The following MDN1 variants were observed in gnomAD, a reference collection of about 807,000 sequenced individuals.
MDN1 encodes midasin AAA ATPase 1.
A neutral mutation model predicts 669.2 loss-of-function variants in MDN1; 266 were observed. That is an observed-to-expected ratio of 0.40 (90% CI 0.36 to 0.44). The LOEUF (loss-of-function observed/expected upper bound fraction) is 0.44, where lower values mean the gene tolerates loss of function less well. MDN1 is among the 20% of genes least tolerant of loss of function. MDN1 has a pLI of 1.00. For synonymous variants in MDN1, 2,385 were observed against 2,457.1 expected (o/e 0.97, Z 0.87); for missense variants, 5,940 against 6,754.0 (o/e 0.88, Z 4.22).
intron 85 of MDN1, 128 bp from the exon 86 acceptor site, chr6:89,663,095 A>G: frequency 1.0e-6 from 1 of 999,146 alleles, no homozygotes; most frequent in Admixed American, 2.2e-5. Flanking sequence ...TCTACAGAAC[A>G]CACCCTACGG....
At chr6:89,788,405 T>G (rs1028449239) in intron 7 of MDN1, among the ~76,000 whole-genome samples, 1 of 152,202 alleles carries the variant, frequency 6.6e-6, no homozygotes, top group African/African-American at 2.4e-5. Context: ...TAAAGAAGAA[T>G]GAGCAGAAAT....
chr6:89,734,881 G>A (rs1047874709), intron 33 of MDN1, among the ~76,000 whole-genome samples: 1 of 149,774 alleles, frequency 6.7e-6, no homozygotes, highest in Non-Finnish European at 1.5e-5. Flanking sequence ...CATTGTAAAT[G>A]ATAGTTGTTT....
intron 23 of MDN1, 89 bp downstream of exon 23, chr6:89,751,342 C>A: frequency 6.8e-7 from 1 of 1,472,160 alleles, no homozygotes; most frequent in Admixed American, 2.0e-5. Flanking sequence ...AAGAATAAAG[C>A]TCTTTGAAAG....
At chr6:89,671,498 C>T (rs762837195) in intron 82 of MDN1, among the ~76,000 whole-genome samples, 7 of 152,036 alleles carry the variant, frequency 4.6e-5, no homozygotes, top group East Asian at 1.9e-4. Context: ...ACAAAAAAAA[C>T]ATATAGCCAG....
At chr6:89,713,105 AG>A in intron 47 of MDN1, 42 bp downstream of exon 47, 2 of 1,580,770 alleles carry the variant, frequency 1.3e-6, no homozygotes, top group Middle Eastern at 3.4e-4. Context: ...TCAAGAATGT[AG>A]GGTATTACAA....
chr6:89,658,816 G>T lies in MDN1; in HGVS notation c.14815C>A (p.Gln4939Lys). Residue 4939 changes from glutamine to lysine, a missense_variant, in exon 89 of 102, where the codon CAG becomes AAG. By Grantham distance (53) the Gln-to-Lys change is moderately conservative. Coordinates refer to ENST00000369393, the MANE Select transcript of MDN1 (RefSeq NM_014611.3). The stretch of plus-strand genomic sequence containing the variant: ...TCACTGGGGCCTTCCTCAGGCTCCT[G>T]TGGACTCTGACTTTCGTTCTGGTCG... ...ETDQNESQSP[Q>K]EPEEGPSEDD... 6.2e-7 allele frequency: 1 copy of T among 1,614,144 alleles called. No homozygotes were observed. Among genetic ancestry groups the T allele is most frequent in the Non-Finnish European group, 8.5e-7 (1 of 1,180,030 alleles).
intron 19 of MDN1, 87 bp downstream of exon 19, chr6:89,758,167 GC>G: frequency 9.6e-7 from 1 of 1,036,952 alleles, no homozygotes; most frequent in South Asian, 1.4e-5. Context: ...CTTGCAGTGA[GC>G]CAAGATCACG....
At chr6:89,737,553 G>T (rs1816055054) in intron 33 of MDN1, among the ~76,000 whole-genome samples, 1 of 151,978 alleles carries the variant, frequency 6.6e-6, no homozygotes, top group African/African-American at 2.4e-5. Flanking sequence ...CATATAGTTA[G>T]GAGTGTTGCC....
Position 89,701,921 on chromosome 6 carries a change from C to T in MDN1, c.8289G>A (p.Leu2763=). 1 of 1,612,012 alleles carries T rather than the reference C, an allele frequency of 6.2e-7. No homozygotes were observed. Among genetic ancestry groups the T allele is most frequent in the Non-Finnish European group, 8.5e-7 (1 of 1,179,418 alleles). The change falls in exon 54 of 102, where the codon CTG becomes CTA. Residue 2763 remains leucine (L), a synonymous_variant. Coordinates refer to ENST00000369393, the MANE Select transcript of MDN1 (RefSeq NM_014611.3). ...KHLVHQIPRL[L]MNYEDKYYKE... ...AATCTTACTTGTCTTCATAATTCAT[C>T]AGAAGTCGGGGGATCTGGTGGACCA...
chr6:89,704,701 C>A (rs1281456640), intron 53 of MDN1, among the ~76,000 whole-genome samples: 1 of 152,134 alleles, frequency 6.6e-6, no homozygotes, highest in Non-Finnish European at 1.5e-5. Flanking sequence ...ATTCTCCTGC[C>A]TCTCGAGTAG....
At chr6:89,807,335 C>T (rs1768086779) in intron 1 of MDN1, among the ~76,000 whole-genome samples, 1 of 152,210 alleles carries the variant, frequency 6.6e-6, no homozygotes. Context: ...GATCCACCTA[C>T]CTAAGCCCCC....
At chr6:89,685,370 T>C (rs1811938285) in intron 70 of MDN1, among the ~76,000 whole-genome samples, 1 of 152,200 alleles carries the variant, frequency 6.6e-6, no homozygotes, top group Non-Finnish European at 1.5e-5. Flanking sequence ...TGCTCATTCA[T>C]GTACAATCTA....
At chr6:89,784,608 C>A (rs1481593119) in intron 9 of MDN1, among the ~76,000 whole-genome samples, 1 of 152,128 alleles carries the variant, frequency 6.6e-6, no homozygotes, top group Non-Finnish European at 1.5e-5. Flanking sequence ...AAGTGATTTA[C>A]CTCAATTCTC....
At chr6:89,784,824 G>T (rs1818868017) in intron 9 of MDN1, among the ~76,000 whole-genome samples, 188 bp downstream of exon 9, 1 of 152,190 alleles carries the variant, frequency 6.6e-6, no homozygotes, top group Non-Finnish European at 1.5e-5. Flanking sequence ...AGAGATGTAT[G>T]CTGGGAGTTT....
chr6:89,685,720 T>C, intron 70 of MDN1, 107 bp downstream of exon 70: 1 of 1,199,398 alleles, frequency 8.3e-7, no homozygotes. Flanking sequence ...TAAATGTGTC[T>C]TGTTTAAAAC....
chr6:89,723,551 C>G lies in MDN1; in HGVS notation c.5739G>C (p.Glu1913Asp). 6.2e-7 allele frequency: 1 copy of G among 1,600,648 alleles called. No individual in the cohort carries two copies. The highest frequency in any genetic ancestry group is 1.1e-5 in the South Asian group (1 of 89,632). ...FIASTLFPAI[E>D]KNIVKKMVAF... ...CAACCATTTTCTTAACAATATTTTTCTCAATGGCTGGAAACAAAGTACTGG... is the reference window on the plus strand; with the variant it reads ...CAACCATTTTCTTAACAATATTTTTGTCAATGGCTGGAAACAAAGTACTGG... The change falls in exon 39 of 102, where the codon GAG becomes GAC. Residue 1913 changes from glutamate to aspartate, a missense_variant. By Grantham distance (45) the Glu-to-Asp change is conservative. Transcript: ENST00000369393.
intron 2 of MDN1, among the ~76,000 whole-genome samples, chr6:89,799,729 AT>A (rs1220341642): frequency 6.6e-6 from 1 of 152,196 alleles, no homozygotes; most frequent in Non-Finnish European, 1.5e-5. Flanking sequence ...AGTTTTATGC[AT>A]TTTCCTACCA....
chr6:89,662,435 T>G (rs895696885), intron 86 of MDN1, among the ~76,000 whole-genome samples, 196 bp from the exon 87 acceptor site: 1 of 152,132 alleles, frequency 6.6e-6, no homozygotes, highest in Non-Finnish European at 1.5e-5. Context: ...GTGTGAATGG[T>G]GGGGTGAGTT....
chr6:89,687,464 T>C, intron 67 of MDN1, 26 bp from the exon 68 acceptor site: 1 of 1,592,458 alleles, frequency 6.3e-7, no homozygotes, highest in South Asian at 1.1e-5. Flanking sequence ...TAAAATTTAC[T>C]ACAGATATTA....
Sources: gnomAD v4.1 joint callset for allele counts (sites outside exome capture counted in the v4.1 genomes callset) on GRCh38, gnomAD v4.1.1 for gene constraint, MANE v1.5 for transcripts, NCBI Gene and HGNC (gene_info 2026-07-23, HGNC 2026-07-21) for gene names.